Variants in LRP1B observed in about 807,000 individuals in gnomAD.
The protein encoded by LRP1B is low-density lipoprotein receptor-related protein 1B.
Under a neutral mutation model 556.6 loss-of-function variants are expected in LRP1B, and 217 were observed. The ratio of observed to expected loss-of-function variants is 0.39; its 90% CI spans 0.35 to 0.44. The LOEUF (loss-of-function observed/expected upper bound fraction) is 0.44. LRP1B is among the 20% of genes least tolerant of loss of function. The probability of loss-of-function intolerance (pLI) is 1.00; values close to 1 mark genes in which losing one functional copy is unlikely to be tolerated. For synonymous variants in LRP1B, 2,047 were observed against 1,865.8 expected (o/e 1.10, Z -2.50); for missense variants, 5,053 against 5,620.8 (o/e 0.90, Z 3.23).
chr2:140,630,965 T>A (rs1466619912), intron 41 of LRP1B, among the ~76,000 whole-genome samples: 1 of 152,166 alleles, frequency 6.6e-6, no homozygotes, highest in Non-Finnish European at 1.5e-5. Context: ...ACCTTACCAC[T>A]AAATCACTGG....
chr2:141,732,007 C>A (rs1693291589), intron 2 of LRP1B, among the ~76,000 whole-genome samples: 1 of 152,090 alleles, frequency 6.6e-6, no homozygotes, highest in African/African-American at 2.4e-5. Context: ...GTATCTATTC[C>A]CAATGTTTTT....
rs1286428673 is a variant in LRP1B at position 141,061,622 on chromosome 2, T to C, written c.1236+429A>G. Reference sequence around the variant, plus strand: ...TTAATCGAACTTGTTATAATAAAGGTACTTTTGTGAACAGCCATTTGCTTT... The same window carrying C: ...TTAATCGAACTTGTTATAATAAAGGCACTTTTGTGAACAGCCATTTGCTTT... On this transcript the variant is annotated intron_variant, in intron 8 of 90. Coordinates refer to ENST00000389484, the MANE Select transcript of LRP1B (RefSeq NM_018557.3). 2.0e-5 allele frequency among the ~76,000 whole-genome samples: 3 copies of C among 151,772 alleles called. No individual in the cohort carries two copies. The East Asian group carries it at 5.8e-4, about 30-fold the overall frequency.
chr2:141,355,444 T>C (rs910110891), intron 3 of LRP1B, among the ~76,000 whole-genome samples: 2 of 151,988 alleles, frequency 1.3e-5, no homozygotes, highest in African/African-American at 4.8e-5. Context: ...AAACCTACTA[T>C]ACATAACCAG....
intron 41 of LRP1B, among the ~76,000 whole-genome samples, chr2:140,608,182 T>C (rs565119792): frequency 6.6e-6 from 1 of 152,234 alleles, no homozygotes; most frequent in African/African-American, 2.4e-5. Context: ...GAGAATCTGC[T>C]AAAAAACTAC....
At chr2:141,518,866 C>T (rs1684423584) in intron 2 of LRP1B, among the ~76,000 whole-genome samples, 1 of 152,082 alleles carries the variant, frequency 6.6e-6, no homozygotes, top group Non-Finnish European at 1.5e-5. Context: ...AGGAGATTTG[C>T]TTGAACCTGG....
intron 18 of LRP1B, among the ~76,000 whole-genome samples, chr2:140,973,348 A>G (rs1044338098): frequency 7.9e-5 from 12 of 152,038 alleles, no homozygotes; most frequent in Non-Finnish European, 1.3e-4. Flanking sequence ...ACACAAAACT[A>G]GAAGACATCA....
chr2:140,577,227 G>T (rs527256080), intron 43 of LRP1B, among the ~76,000 whole-genome samples: 1 of 152,176 alleles, frequency 6.6e-6, no homozygotes, highest in East Asian at 2.0e-4. Context: ...GCTCATGCCT[G>T]TAATCCCAGC....
intron 6 of LRP1B, among the ~76,000 whole-genome samples, chr2:141,203,332 G>A (rs987888118): frequency 6.6e-6 from 1 of 151,434 alleles, no homozygotes; most frequent in Non-Finnish European, 1.5e-5. Flanking sequence ...TCAAAGTAAA[G>A]GGATGGAAGA....
chr2:140,984,962 C>A (rs1339804495), intron 17 of LRP1B, among the ~76,000 whole-genome samples: 1 of 152,034 alleles, frequency 6.6e-6, no homozygotes, highest in East Asian at 1.9e-4. Flanking sequence ...AACAAACTCA[C>A]AACATTCACT....
At chr2:141,010,950 TGGTG>T (rs1339534423) in intron 14 of LRP1B, among the ~76,000 whole-genome samples, 4 of 100,258 alleles carry the variant, frequency 4.0e-5, no homozygotes, top group African/African-American at 1.7e-4. Flanking sequence ...TCTTGTCAGA[TGGTG>T]TGTGTGTGTG....
At chr2:141,263,879 A>T (rs1459169956) in intron 3 of LRP1B, among the ~76,000 whole-genome samples, 1 of 152,148 alleles carries the variant, frequency 6.6e-6, no homozygotes, top group Non-Finnish European at 1.5e-5. Context: ...AAGGGAAAAA[A>T]ACCCTATCAT....
chr2:141,436,644 A>C (rs1680776611), intron 3 of LRP1B, among the ~76,000 whole-genome samples: 1 of 152,020 alleles, frequency 6.6e-6, no homozygotes, highest in African/African-American at 2.4e-5. Flanking sequence ...ACTGCACTTT[A>C]ATAAAATTGT....
At chr2:141,173,935 G>T (rs1315589000) in intron 7 of LRP1B, among the ~76,000 whole-genome samples, 1 of 151,944 alleles carries the variant, frequency 6.6e-6, no homozygotes, top group African/African-American at 2.4e-5. Context: ...ATTATACTAT[G>T]TTTACACTAT....
chr2:141,117,788 T>C (rs1700943312), intron 7 of LRP1B, among the ~76,000 whole-genome samples: 1 of 151,980 alleles, frequency 6.6e-6, no homozygotes, highest in African/African-American at 2.4e-5. Context: ...TTGAAAAATA[T>C]CGAGGCAATG....
At chr2:140,836,988 A>T (rs1002431433) in intron 31 of LRP1B, among the ~76,000 whole-genome samples, 1 of 152,202 alleles carries the variant, frequency 6.6e-6, no homozygotes, top group Non-Finnish European at 1.5e-5. Flanking sequence ...ACTTGGTTAC[A>T]TATATTTCCT....
chr2:141,808,087 C>T (rs779299872), intron 2 of LRP1B, among the ~76,000 whole-genome samples: 18 of 152,064 alleles, frequency 1.2e-4, no homozygotes, highest in Non-Finnish European at 1.9e-4. Context: ...CTCTTGAGCA[C>T]AAAGGGAACA....
intron 2 of LRP1B, among the ~76,000 whole-genome samples, chr2:141,508,807 C>A (rs2105147061): frequency 6.6e-6 from 1 of 152,266 alleles, no homozygotes. Context: ...CGGAATGCAT[C>A]TTCCTAACCA....
At chr2:140,418,564 C>T (rs1685294957) in intron 66 of LRP1B, among the ~76,000 whole-genome samples, 1 of 152,102 alleles carries the variant, frequency 6.6e-6, no homozygotes, top group African/African-American at 2.4e-5. Flanking sequence ...CCATTTCAGA[C>T]ATCCCATATT....
At chr2:141,305,360 T>C (rs1686546949) in intron 3 of LRP1B, among the ~76,000 whole-genome samples, 1 of 152,176 alleles carries the variant, frequency 6.6e-6, no homozygotes, top group South Asian at 2.1e-4. Flanking sequence ...CTATTGTAAA[T>C]GGGATTGCCT....
Sources: allele counts gnomAD v4.1 joint callset (sites outside exome capture counted in the v4.1 genomes callset), GRCh38; gene constraint gnomAD v4.1.1; transcripts MANE v1.5; gene names NCBI Gene and HGNC (gene_info 2026-07-23, HGNC 2026-07-21).